Variants in FRYL observed in about 807,000 individuals in gnomAD.
FRYL encodes the protein protein furry homolog-like.
A neutral mutation model predicts 351.2 loss-of-function variants in FRYL; 150 were observed. That is an observed-to-expected ratio of 0.43 (90% confidence interval 0.37 to 0.49). The LOEUF (loss-of-function observed/expected upper bound fraction) is 0.49, where lower values mean the gene tolerates loss of function less well. Among genes scored for constraint, FRYL ranks in the 20% least tolerant of loss-of-function variants. The pLI, the probability that FRYL is intolerant of heterozygous loss-of-function variation, is 0.00. For missense variants in FRYL, 3,036 were observed against 3,619.3 expected (o/e 0.84, Z 4.13); for synonymous variants, 1,153 against 1,257.1 (o/e 0.92, Z 1.75).
At chr4:48,540,100 A>G in intron 46 of FRYL, 32 bp from the exon 47 acceptor site, 1 of 1,485,552 alleles carries the variant, frequency 6.7e-7, no homozygotes, top group Non-Finnish European at 9.3e-7. Context: ...AACAATAACC[A>G]ATTTTATTGC....
At position 48,576,237 on chromosome 4, in the gene FRYL, A is replaced by T. The variant is rs1739564110; in HGVS notation, c.2529-15T>A. 1 of 1,557,662 alleles carries T rather than the reference A, an allele frequency of 6.4e-7. No homozygotes were observed. Among genetic ancestry groups the T allele is most frequent in the Admixed American group, 2.0e-5 (1 of 49,518 alleles). ...TGATGGGGCTACTAAGGAAAAAAAA[A>T]GAAAAATAGGCAGATATGAATAACA... On this transcript the variant is annotated splice_polypyrimidine_tract_variant and intron_variant, in intron 23 of 63. Coordinates refer to ENST00000358350, the MANE Select transcript of FRYL (RefSeq NM_015030.2).
chr4:48,634,229 A>G (rs1753803932), intron 4 of FRYL, 62 bp downstream of exon 4: 2 of 1,188,674 alleles, frequency 1.7e-6, no homozygotes, highest in African/African-American at 1.5e-5. Flanking sequence ...AAAAATCTGC[A>G]TTATAGTGGT....
chr4:48,715,704 T>C (rs1308694857), intron 1 of FRYL, among the ~76,000 whole-genome samples: 1 of 152,096 alleles, frequency 6.6e-6, no homozygotes, highest in Non-Finnish European at 1.5e-5. Flanking sequence ...CTGCCCAAGG[T>C]AATTTATACA....
chr4:48,758,664 A>T (rs954351787), intron 1 of FRYL, among the ~76,000 whole-genome samples: 3 of 152,230 alleles, frequency 2.0e-5, no homozygotes, highest in East Asian at 3.9e-4. Flanking sequence ...ATTGTGGAAG[A>T]CAGTGTGGCG....
Position 48,589,855 on chromosome 4 carries a change from T to C in FRYL, c.1530A>G (p.Gln510=). The change falls in exon 18 of 64, where the codon CAA becomes CAG. Residue 510 remains glutamine, a synonymous_variant. Coordinates refer to ENST00000358350, the MANE Select transcript of FRYL (RefSeq NM_015030.2). ...KVIGMSVYYP[Q]VRKALDSILR... is the part of the protein sequence containing the mutation. ...GGATGCTATCTAATGCTTTTCTTAC[T>C]TGAGGATAGTAAACTGACATTCCTA... is the stretch of plus-strand genomic sequence containing the variant. 2 of 1,613,272 alleles carry C rather than the reference T, an allele frequency of 1.2e-6. No homozygotes were observed. The highest frequency in any genetic ancestry group is 1.7e-6 in the Non-Finnish European group (2 of 1,179,426).
intron 35 of FRYL, among the ~76,000 whole-genome samples, chr4:48,554,936 T>C (rs1272398582): frequency 1.3e-5 from 2 of 152,214 alleles, no homozygotes; most frequent in African/African-American, 2.4e-5. Context: ...ATCTATTAAG[T>C]GACAAGAGTG....
At chr4:48,666,388 TAAATAAATA>T (rs1004222153) in intron 3 of FRYL, among the ~76,000 whole-genome samples, 15 of 51,704 alleles carry the variant, frequency 2.9e-4, no homozygotes, top group Non-Finnish European at 7.9e-4. Flanking sequence ...AAAAAGTAAA[TAAATAAATA>T]AATAAATAAA....
At chr4:48,696,490 A>AC (rs1345628776) in intron 2 of FRYL, among the ~76,000 whole-genome samples, 1 of 152,174 alleles carries the variant, frequency 6.6e-6, no homozygotes, top group Non-Finnish European at 1.5e-5. Flanking sequence ...GAACACGTGG[A>AC]CACTGGAAGG....
chr4:48,755,883 G>A (rs536946669), intron 1 of FRYL, among the ~76,000 whole-genome samples: 10 of 150,560 alleles, frequency 6.6e-5, no homozygotes, highest in Admixed American at 3.3e-4. Context: ...TGCAACTTAA[G>A]TTTATAATTT....
chr4:48,565,128 T>C (rs1272466670), intron 29 of FRYL, 85 bp from the exon 30 acceptor site: 7 of 667,648 alleles, frequency 1.0e-5, no homozygotes, highest in African/African-American at 1.9e-5. Context: ...AAAATACTTA[T>C]CTAGTCACAA....
intron 49 of FRYL, among the ~76,000 whole-genome samples, chr4:48,533,705 C>T (rs7664507): frequency 0.98 from 149,849 of 152,308 alleles, 73,750 homozygotes; most frequent in East Asian, 1. Flanking sequence ...CTCAAACCGA[C>T]AGCTTAACTG....
chr4:48,502,193 G>A (rs527975781), intron 61 of FRYL, among the ~76,000 whole-genome samples: 1 of 152,242 alleles, frequency 6.6e-6, no homozygotes, highest in Admixed American at 6.5e-5. Flanking sequence ...TTTAAAGTGA[G>A]GTCATTTTTC....
intron 18 of FRYL, among the ~76,000 whole-genome samples, chr4:48,587,050 A>G (rs2149188778): frequency 6.6e-6 from 1 of 151,826 alleles, no homozygotes; most frequent in Admixed American, 6.6e-5. Flanking sequence ...AATATTTAAT[A>G]TTTAGCCTCC....
At chr4:48,671,858 CAAAAAAAAAAAAAACAAA>C (rs1337953365) in intron 3 of FRYL, among the ~76,000 whole-genome samples, 20 of 22,398 alleles carry the variant, frequency 8.9e-4, no homozygotes, top group South Asian at 7.3e-3. Context: ...GTCTCAAAAA[CAAAAAAAAAAAAAACAAA>C]AAAAAAAAAA....
At chr4:48,625,379 G>A (rs1751578337) in intron 4 of FRYL, among the ~76,000 whole-genome samples, 1 of 152,124 alleles carries the variant, frequency 6.6e-6, no homozygotes, top group Non-Finnish European at 1.5e-5. Context: ...ATAAAACTTT[G>A]GGTCAGTAAG....
In FRYL at chr4:48,523,057, C is replaced by T. The variant is rs764982775; in HGVS notation, c.7365G>A (p.Leu2455=). 1.9e-6 allele frequency: 3 copies of T among 1,613,748 alleles called. No homozygotes were observed. The highest frequency in any genetic ancestry group is 8.5e-7 in the Non-Finnish European group (1 of 1,179,906). Reference sequence around the variant, plus strand: ...GAGTGTCCCCTTTGTCAATACTGTCCAGTGAGCGCCTGCGAACTCCCCAGT... The same window carrying T: ...GAGTGTCCCCTTTGTCAATACTGTCTAGTGAGCGCCTGCGAACTCCCCAGT... The part of the protein sequence containing the change: ...NFNWGVRRRS[L]DSIDKGDTPS... Residue 2455 remains leucine (L), a synonymous_variant, in exon 54 of 64, where the codon CTG becomes CTA. Transcript: ENST00000358350.
Position 48,609,804 on chromosome 4 carries a change from G to T in FRYL, c.431C>A (p.Pro144His). 6.3e-7 allele frequency: 1 copy of T among 1,589,068 alleles called. No homozygotes were observed. Among genetic ancestry groups the T allele is most frequent in the Non-Finnish European group, 8.6e-7 (1 of 1,165,008 alleles). The change falls in exon 8 of 64, where the codon CCC becomes CAC. Residue 144 changes from proline (P) to histidine (H), a missense_variant. Around this residue, in one of 7 missense-constraint regions of FRYL, gnomAD observed 457 missense variants for 566.6 expected, o/e 0.81. Coordinates refer to ENST00000358350, the MANE Select transcript of FRYL (RefSeq NM_015030.2). The part of the protein sequence containing the change: ...VLKQIPVHPV[P>H]DPLVHEVLNL... ...TAGAACTTCATGAACTAAGGGATCG[G>T]GTACAGGATGAACAGGAATCTAGAA...
intron 3 of FRYL, among the ~76,000 whole-genome samples, chr4:48,666,105 T>C (rs1761671688): frequency 6.6e-6 from 1 of 152,242 alleles, no homozygotes; most frequent in Non-Finnish European, 1.5e-5. Flanking sequence ...CTTACGCCTG[T>C]AATTCCAGCA....
At chr4:48,545,649 T>C (rs1409299276) in intron 42 of FRYL, among the ~76,000 whole-genome samples, 1 of 152,228 alleles carries the variant, frequency 6.6e-6, no homozygotes, top group Non-Finnish European at 1.5e-5. Context: ...TTCCTCACCA[T>C]TTCCAAACAC....
Sources: allele counts gnomAD v4.1 joint callset (sites outside exome capture counted in the v4.1 genomes callset), GRCh38; gene constraint gnomAD v4.1.1; regional missense constraint gnomAD v4.1.1; transcripts MANE v1.5; gene names NCBI Gene and HGNC (gene_info 2026-07-23, HGNC 2026-07-21).